The following CHSY3 variants were observed in gnomAD, a reference collection of about 807,000 sequenced individuals.
CHSY3 encodes the protein chondroitin sulfate synthase 3, also known as N-acetylgalactosaminyl-proteoglycan 3-beta-glucuronosyltransferase 3.
CHSY3 carries 35 observed loss-of-function variants against 67.2 expected under a neutral mutation model. The observed-to-expected ratio is 0.52, with a 90% CI of 0.40 to 0.69. The LOEUF (loss-of-function observed/expected upper bound fraction) is 0.69. Ranked by LOEUF, CHSY3 falls within the 30% of genes least tolerant of loss-of-function variation. The pLI is 0.00. For synonymous variants in CHSY3, 474 were observed against 434.7 expected (o/e 1.09, Z -1.12); for missense variants, 1,069 against 1,138.5 (o/e 0.94, Z 0.88).
intron 2 of CHSY3, among the ~76,000 whole-genome samples, chr5:129,910,059 A>T (rs1452604440): frequency 6.6e-6 from 1 of 152,010 alleles, no homozygotes; most frequent in African/African-American, 2.4e-5. Context: ...ATGCACAAAA[A>T]TTGGGAGCTC....
At chr5:130,083,548 A>G (rs1349644739) in intron 2 of CHSY3, among the ~76,000 whole-genome samples, 1 of 152,082 alleles carries the variant, frequency 6.6e-6, no homozygotes, top group Non-Finnish European at 1.5e-5. Context: ...ATTAAAATCA[A>G]TTTGAGTCAT....
chr5:129,950,924 C>A (rs987084100), intron 2 of CHSY3, among the ~76,000 whole-genome samples: 1 of 152,048 alleles, frequency 6.6e-6, no homozygotes, highest in Non-Finnish European at 1.5e-5. Flanking sequence ...CATGGAAATA[C>A]AAAAAATCCT....
chr5:129,944,483 C>T (rs1475659782), intron 2 of CHSY3, among the ~76,000 whole-genome samples: 2 of 151,748 alleles, frequency 1.3e-5, no homozygotes, highest in Non-Finnish European at 2.9e-5. Flanking sequence ...TACAGGCGAA[C>T]ACCACCACAC....
intron 2 of CHSY3, among the ~76,000 whole-genome samples, chr5:130,178,251 A>ATTTTTTTTTTTTTTTTT (rs1298647034): frequency 1.6e-5 from 1 of 62,746 alleles, no homozygotes. Context: ...ATATATATAT[A>ATTTTTTTTTTTTTTTTT]TATTTTTTTT....
At chr5:129,920,253 T>C (rs1246410579) in intron 2 of CHSY3, among the ~76,000 whole-genome samples, 2 of 152,136 alleles carry the variant, frequency 1.3e-5, no homozygotes, top group African/African-American at 2.4e-5. Context: ...TTTGTTTGCT[T>C]TTTGTTTTGA....
At chr5:130,141,105 G>T (rs551523337) in intron 2 of CHSY3, 2 of 304,772 alleles carry the variant, frequency 6.6e-6, no homozygotes, top group African/African-American at 4.6e-5. Flanking sequence ...AGCTGAATGA[G>T]TATCAAGCCT....
chr5:130,180,138 C>A (rs1770201158), intron 2 of CHSY3, among the ~76,000 whole-genome samples: 1 of 152,152 alleles, frequency 6.6e-6, no homozygotes, highest in Non-Finnish European at 1.5e-5. Context: ...ATCTCTTACC[C>A]TTGAACCCTT....
intron 2 of CHSY3, among the ~76,000 whole-genome samples, chr5:129,980,934 C>T (rs547439863): frequency 5.8e-4 from 88 of 151,472 alleles, no homozygotes; most frequent in Admixed American, 2.3e-3. Flanking sequence ...CGGCCGGGCG[C>T]GGTGGCTCAC....
chr5:129,937,336 A>G lies in CHSY3; in HGVS notation c.1086+28976A>G, dbSNP rs557251229. Among the ~76,000 whole-genome samples the G allele has an allele frequency of 1.1e-3, 170 of 152,292 alleles. 1 individual carries two copies. The highest frequency in any genetic ancestry group is 6.8e-3 in the Middle Eastern group (2 of 294). ...ACACACTTTGAAACAACCAGATCCC[A>G]TGAGAACTATATCAGGAGACAGCAA... On this transcript the variant is annotated intron_variant, in intron 2 of 2. Coordinates refer to ENST00000305031, the MANE Select transcript of CHSY3 (RefSeq NM_175856.5).
intron 2 of CHSY3, among the ~76,000 whole-genome samples, chr5:130,050,169 T>G (rs925861744): frequency 2.0e-5 from 3 of 152,148 alleles, no homozygotes; most frequent in African/African-American, 7.2e-5. Context: ...ACAATGTATT[T>G]AAGTACTTTT....
At chr5:130,054,913 C>A (rs933855021) in intron 2 of CHSY3, among the ~76,000 whole-genome samples, 1 of 152,060 alleles carries the variant, frequency 6.6e-6, no homozygotes, top group Admixed American at 6.6e-5. Context: ...ATGTAGTCAG[C>A]CACCTGGGGA....
chr5:129,925,635 A>G lies in CHSY3; in HGVS notation c.1086+17275A>G, dbSNP rs370659217. The stretch of plus-strand genomic sequence containing the variant: ...AGTATACAGTATATTATTATTAACT[A>G]TAATAATCACAACGTACAATAGCTG... On this transcript the variant is annotated intron_variant, in intron 2 of 2. Coordinates refer to ENST00000305031, the MANE Select transcript of CHSY3 (RefSeq NM_175856.5). 5.6e-4 allele frequency among the ~76,000 whole-genome samples: 85 copies of G among 152,210 alleles called. 1 individual carries two copies. The highest frequency in any genetic ancestry group is 3.4e-3 in the Middle Eastern group (1 of 294).
Position 130,185,875 on chromosome 5 carries a change from TTTATTA to T in CHSY3, c.*93_*98del, listed in dbSNP as rs1561576406. The T allele has an allele frequency of 2.9e-6, 2 of 681,724 alleles. No individual in the cohort carries two copies. The highest frequency in any genetic ancestry group is 3.7e-5 in the Admixed American group (1 of 27,032). 42.2% of individuals were successfully genotyped at this position (681,724 alleles called of 1,614,324 possible). A position where few individuals can be genotyped will look rare whatever the true frequency, so the allele number is the denominator to read the frequency against. ...GTTATTTTTATTGTATTATTGTTAT[TTTATTA>T]TTATTATTGTTATAATTTTATTTTG... On this transcript the variant is annotated 3_prime_UTR_variant, in exon 3 of 3. Coordinates refer to ENST00000305031, the MANE Select transcript of CHSY3 (RefSeq NM_175856.5).
chr5:130,105,533 A>G (rs1767386531), intron 2 of CHSY3, among the ~76,000 whole-genome samples: 1 of 151,742 alleles, frequency 6.6e-6, no homozygotes, highest in Non-Finnish European at 1.5e-5. Context: ...CATGGAATTT[A>G]GCATAACTTC....
intron 2 of CHSY3, among the ~76,000 whole-genome samples, chr5:130,147,890 C>A (rs763358353): frequency 1.3e-5 from 2 of 152,072 alleles, no homozygotes; most frequent in African/African-American, 2.4e-5. Flanking sequence ...GGAACATGTG[C>A]AGGTTTGTTA....
chr5:130,042,051 A>ATAT (rs1765019096), intron 2 of CHSY3, among the ~76,000 whole-genome samples: 2 of 152,060 alleles, frequency 1.3e-5, no homozygotes, highest in African/African-American at 2.4e-5. Flanking sequence ...CCTGGGCAAC[A>ATAT]TATTAAGACC....
intron 2 of CHSY3, among the ~76,000 whole-genome samples, chr5:130,108,631 T>C (rs1767488405): frequency 6.6e-6 from 1 of 151,684 alleles, no homozygotes; most frequent in African/African-American, 2.4e-5. Context: ...GATTAGTTAT[T>C]GGAAGGTTTT....
chr5:130,067,045 C>A (rs978967266), intron 2 of CHSY3, among the ~76,000 whole-genome samples: 15 of 152,208 alleles, frequency 9.9e-5, no homozygotes, highest in South Asian at 8.3e-4. Flanking sequence ...TTTTTATTTT[C>A]TTCAAGTATA....
chr5:130,123,508 C>T (rs1768126359), intron 2 of CHSY3, among the ~76,000 whole-genome samples: 1 of 152,194 alleles, frequency 6.6e-6, no homozygotes, highest in Admixed American at 6.5e-5. Context: ...TTTGATGTCA[C>T]TGCTGATCTG....
Sources: allele counts gnomAD v4.1 joint callset (sites outside exome capture counted in the v4.1 genomes callset), GRCh38; gene constraint gnomAD v4.1.1; transcripts MANE v1.5; gene names NCBI Gene and HGNC (gene_info 2026-07-23, HGNC 2026-07-21).